MAP3K15: variants seen among roughly 807,000 people sequenced by gnomAD.
MAP3K15 encodes the protein MAPK/ERK kinase kinase 15.
In MAP3K15, 124 loss-of-function variants were observed where a neutral mutation model predicts 99.5. That is an observed-to-expected ratio of 1.25 (90% CI 1.08 to 1.45). MAP3K15 has a LOEUF of 1.45. Among genes scored for constraint, MAP3K15 ranks in the 40% most tolerant of loss-of-function variants. The pLI is 0.00. For missense variants in MAP3K15, 1,242 were observed against 1,079.7 expected (o/e 1.15, Z -2.11); for synonymous variants, 494 against 439.6 (o/e 1.12, Z -1.55).
At chrX:19,466,905 G>A (rs150457431) in intron 3 of MAP3K15, among the ~76,000 whole-genome samples, 5 of 111,915 alleles carry the variant, frequency 4.5e-5, no homozygotes, top group African/African-American at 9.7e-5. Flanking sequence ...TTGTCCAACC[G>A]GGGCCCATGG....
intron 6 of MAP3K15, among the ~76,000 whole-genome samples, chrX:19,444,692 C>G (rs1395475849): frequency 3.6e-5 from 4 of 111,766 alleles, no homozygotes; most frequent in Non-Finnish European, 7.5e-5. Flanking sequence ...TAAATTCTCC[C>G]CAGAATTCTG....
rs34619145 is a variant in MAP3K15 at position 19,384,749 on chromosome X, GAAAAAAA to G, written c.2432-4479_2432-4473del. Among the ~76,000 whole-genome samples the G allele has an allele frequency of 4.8e-3, 109 of 22,558 alleles. 2 individuals carry two copies. Among genetic ancestry groups the G allele is most frequent in the African/African-American group, 0.017 (92 of 5,278 alleles). 19.6% of individuals were successfully genotyped at this position (22,558 alleles called of 115,157 possible). A position where few individuals can be genotyped will look rare whatever the true frequency, so the allele number is the denominator to read the frequency against. ...ATGGGAGTGAGACCTTGTCTCAGGG[GAAAAAAA>G]AAAAAAAAAAAAAAAAAAAAAAAAC... On this transcript the variant is annotated intron_variant, in intron 18 of 28. Transcript: ENST00000338883.
chrX:19,436,624 C>G (rs1320064833), intron 6 of MAP3K15, among the ~76,000 whole-genome samples: 1 of 111,486 alleles, frequency 9.0e-6, no homozygotes, highest in East Asian at 2.8e-4. Flanking sequence ...CAACTGCCCT[C>G]TCAGCAACTC....
At chrX:19,435,013 C>A (rs943042993) in intron 6 of MAP3K15, among the ~76,000 whole-genome samples, 15 of 112,048 alleles carry the variant, frequency 1.3e-4, no homozygotes, top group African/African-American at 4.9e-4. Context: ...TGTTGCACAG[C>A]CATTGTATAA....
intron 1 of MAP3K15, among the ~76,000 whole-genome samples, chrX:19,497,991 T>A (rs762891949): frequency 8.9e-6 from 1 of 111,765 alleles, no homozygotes; most frequent in East Asian, 2.8e-4. Context: ...ATCTGAGCCC[T>A]GCATTTTTTA....
rs878937354 is a variant in MAP3K15, at chrX:19,398,086, T to G, written c.2066+140A>C. 7.3e-5 allele frequency: 30 copies of G among 413,265 alleles called. No individual in the cohort carries two copies. In the East Asian group the frequency reaches 1.4e-3, roughly 19 times the overall value. 34.1% of individuals were successfully genotyped at this position (413,265 alleles called of 1,213,427 possible). A position where few individuals can be genotyped will look rare whatever the true frequency, so the allele number is the denominator to read the frequency against. ...TTCAAAAAAAAAAAAAAAAAAAAGA[T>G]CACCCCTATTACAAGAGAATGACAG... On this transcript the variant is annotated intron_variant, in intron 15 of 28. Coordinates refer to ENST00000338883, the MANE Select transcript of MAP3K15 (RefSeq NM_001001671.4).
At chrX:19,393,946 G>T (rs886512272) in intron 16 of MAP3K15, among the ~76,000 whole-genome samples, 12 of 108,020 alleles carry the variant, frequency 1.1e-4, no homozygotes, top group Admixed American at 4.0e-4. Context: ...CTAATTTTTT[G>T]TATTTTTAGT....
In MAP3K15 at chrX:19,406,158, TAAAATGGG is replaced by T. The variant is rs374824163; in HGVS notation, c.1844+1022_1844+1029del. Reference sequence around the variant, plus strand: ...GCCACATACATTGCTAATGGGAATATAAAATGGGAAAATGGTCTGGCAGTTCCTCAAAA... The same window carrying T: ...GCCACATACATTGCTAATGGGAATATAAAATGGTCTGGCAGTTCCTCAAAA... On this transcript the variant is annotated intron_variant, in intron 13 of 28. Coordinates refer to ENST00000338883, the MANE Select transcript of MAP3K15 (RefSeq NM_001001671.4). 4.1e-3 allele frequency among the ~76,000 whole-genome samples: 464 copies of T among 111,877 alleles called. 4 individuals are homozygous for T. The highest frequency in any genetic ancestry group is 0.014 in the African/African-American group (431 of 30,810).
intron 10 of MAP3K15, 41 bp downstream of exon 10, chrX:19,415,066 T>G: frequency 9.2e-7 from 1 of 1,089,661 alleles, no homozygotes; most frequent in Middle Eastern, 2.5e-4. Context: ...TCCCTAGTTT[T>G]TTTCCTAATC....
intron 5 of MAP3K15, among the ~76,000 whole-genome samples, chrX:19,457,823 G>A (rs763068199): frequency 1.1e-3 from 117 of 111,225 alleles, no homozygotes; most frequent in Non-Finnish European, 2.0e-3. Context: ...TGTGGGAGCT[G>A]TCCTGGGCAC....
intron 6 of MAP3K15, among the ~76,000 whole-genome samples, chrX:19,444,635 T>C (rs1189237641): frequency 8.9e-6 from 1 of 112,051 alleles, no homozygotes; most frequent in East Asian, 2.8e-4. Flanking sequence ...TTTTAGATCA[T>C]TCCTGGCATC....
At chrX:19,483,562 ATGAG>A (rs2064305237) in intron 3 of MAP3K15, among the ~76,000 whole-genome samples, 1 of 104,170 alleles carries the variant, frequency 9.6e-6, no homozygotes. Flanking sequence ...TTCACTAACT[ATGAG>A]TGTGTGTGTG....
At chrX:19,398,394 A>G (rs2063584011) in intron 14 of MAP3K15, 35 bp from the exon 15 acceptor site, 9 of 1,203,912 alleles carry the variant, frequency 7.5e-6, no homozygotes, top group Non-Finnish European at 1.0e-5. Context: ...AAAAAAGCAT[A>G]CAACTTGTAG....
In MAP3K15 at chrX:19,452,383, GAA is replaced by G. The variant is rs1315960390; in HGVS notation, c.995+4528_995+4529del. Among the ~76,000 whole-genome samples the G allele has an allele frequency of 1.5e-4, 4 of 26,987 alleles. 1 individual carries two copies. The highest frequency in any genetic ancestry group is 8.6e-4 in the African/African-American group (4 of 4,657). 23.4% of individuals were successfully genotyped at this position (26,987 alleles called of 115,157 possible). A position where few individuals can be genotyped will look rare whatever the true frequency, so the allele number is the denominator to read the frequency against. The stretch of plus-strand genomic sequence containing the variant: ...AGAGAAGAGAAGAGAAGAGAGAAAA[GAA>G]AAGAGAAAAGAAAAGAAAAGAAAAG... On this transcript the variant is annotated intron_variant, in intron 6 of 28. Transcript: ENST00000338883.
In MAP3K15 at chrX:19,392,060, G is replaced by A. The variant is rs761484808; in HGVS notation, c.2373C>T (p.Ser791=). 9.9e-6 allele frequency: 12 copies of A among 1,209,275 alleles called. No homozygotes were observed. The highest frequency in any genetic ancestry group is 7.0e-5 in the South Asian group (4 of 56,810). The change falls in exon 18 of 29, where the codon TCC becomes TCT. Residue 791 remains serine (S), a synonymous_variant. Transcript: ENST00000338883. The part of the protein sequence containing the change: ...VNTYSGVVKI[S]DFGTSKRLAG... Reference sequence around the variant, plus strand: ...CAAGACGTTTCGAGGTTCCAAAATCGGAGATTTTCACCACTCCGCTGTAGG... The same window carrying A: ...CAAGACGTTTCGAGGTTCCAAAATCAGAGATTTTCACCACTCCGCTGTAGG...
At chrX:19,389,512 T>C (rs1388143052) in intron 18 of MAP3K15, among the ~76,000 whole-genome samples, 1 of 111,147 alleles carries the variant, frequency 9.0e-6, no homozygotes, top group Non-Finnish European at 1.9e-5. Flanking sequence ...GAGATTTCCT[T>C]ACAGAACTGC....
intron 11 of MAP3K15, among the ~76,000 whole-genome samples, chrX:19,411,056 C>T (rs940713605): frequency 3.6e-5 from 4 of 109,978 alleles, no homozygotes; most frequent in East Asian, 5.7e-4. Flanking sequence ...TGGTAGCACA[C>T]GCCTGTAGTC....
chrX:19,481,249 G>C (rs926837092), intron 3 of MAP3K15, among the ~76,000 whole-genome samples: 6 of 109,629 alleles, frequency 5.5e-5, no homozygotes, highest in Non-Finnish European at 1.1e-4. Flanking sequence ...GACGAGGGTG[G>C]AAAGATGATT....
At chrX:19,430,928 C>A (rs745694711) in intron 7 of MAP3K15, among the ~76,000 whole-genome samples, 1 of 111,420 alleles carries the variant, frequency 9.0e-6, no homozygotes, top group African/African-American at 3.3e-5. Flanking sequence ...CCTGCTTAAC[C>A]TTTCCCCATA....
Sources: allele counts gnomAD v4.1 joint callset (sites outside exome capture counted in the v4.1 genomes callset), GRCh38; gene constraint gnomAD v4.1.1; transcripts MANE v1.5; gene names NCBI Gene and HGNC (gene_info 2026-07-23, HGNC 2026-07-21).